ADGRG6: variants seen among roughly 807,000 people sequenced by gnomAD.
ADGRG6 encodes adhesion G protein-coupled receptor G6.
Under a neutral mutation model 142.4 loss-of-function variants are expected in ADGRG6, and 84 were observed. The ratio of observed to expected loss-of-function variants is 0.59; its 90% CI spans 0.49 to 0.71. The LOEUF (loss-of-function observed/expected upper bound fraction) is 0.71, where lower values mean the gene tolerates loss of function less well. Among genes scored for constraint, ADGRG6 ranks in the 30% least tolerant of loss-of-function variants. The pLI is 0.00. For missense variants in ADGRG6, 1,367 were observed against 1,466.6 expected, an observed-to-expected ratio of 0.93 and a Z score of 1.11; for synonymous variants, 521 against 520.5, an observed-to-expected ratio of 1.00 and a Z score of -0.01.
Position 142,438,339 on chromosome 6 carries a change from C to T in ADGRG6, c.3549C>T (p.Thr1183=). 6.2e-7 allele frequency: 1 copy of T among 1,608,790 alleles called. No individual in the cohort carries two copies. The highest frequency in any genetic ancestry group is 2.2e-5 in the East Asian group (1 of 44,630). ...LTSKSKSSST[T]YFKRNSHTDS... is the part of the protein sequence containing the mutation. ...CCAAATCTAAATCCAGCTCTACCAC[C>T]TATTTCAAAAGGAATAGCCACACAG... Residue 1183 remains threonine, a synonymous_variant, in exon 24 of 25, where the codon ACC becomes ACT. Transcript: ENST00000367609.
At chr6:142,399,474 AAAG>A (rs376411572) in intron 10 of ADGRG6, among the ~76,000 whole-genome samples, 8 of 152,306 alleles carry the variant, frequency 5.3e-5, no homozygotes, top group African/African-American at 1.2e-4. Context: ...GAGTCTTCAC[AAAG>A]AAGGAGTCTG....
intron 22 of ADGRG6, among the ~76,000 whole-genome samples, chr6:142,430,183 T>G (rs963835220): frequency 3.9e-5 from 6 of 152,198 alleles, no homozygotes; most frequent in African/African-American, 9.6e-5. Context: ...TATCTGCAAG[T>G]CTTCCCTTTA....
intron 22 of ADGRG6, among the ~76,000 whole-genome samples, chr6:142,431,875 A>G (rs546214508): frequency 1.1e-3 from 172 of 152,234 alleles, no homozygotes; most frequent in African/African-American, 3.9e-3. Flanking sequence ...GTGAGCCAAG[A>G]TCGCACCATT....
chr6:142,373,375 C>CATATTTGTTTCCAACAAATA (rs1781343972), intron 4 of ADGRG6, among the ~76,000 whole-genome samples: 1 of 151,750 alleles, frequency 6.6e-6, no homozygotes, highest in Admixed American at 6.6e-5. Context: ...AGTGTGTTAA[C>CATATTTGTTTCCAACAAATA]ATATTTGTTT....
At chr6:142,443,271 A>G (rs1477002460) in intron 24 of ADGRG6, 66 bp from the exon 25 acceptor site, 33 of 1,004,994 alleles carry the variant, frequency 3.3e-5, no homozygotes, top group South Asian at 1.1e-4. Flanking sequence ...GGAGTATACA[A>G]TATGGTGGCC....
chr6:142,311,160 T>A (rs1777752084), intron 2 of ADGRG6, among the ~76,000 whole-genome samples: 1 of 151,828 alleles, frequency 6.6e-6, no homozygotes, highest in South Asian at 2.1e-4. Flanking sequence ...GAGAATCACC[T>A]GGGGTACAAA....
At chr6:142,393,050 T>C in intron 8 of ADGRG6, 50 bp downstream of exon 8, 2 of 966,406 alleles carry the variant, frequency 2.1e-6, no homozygotes, top group South Asian at 1.4e-5. Flanking sequence ...TCTAATTTAA[T>C]GCTACTATTT....
At chr6:142,312,908 A>G (rs1777839779) in intron 2 of ADGRG6, among the ~76,000 whole-genome samples, 2 of 152,122 alleles carry the variant, frequency 1.3e-5, no homozygotes, top group Admixed American at 1.3e-4. Flanking sequence ...GAAGCTATTC[A>G]TGATAATAAT....
chr6:142,363,710 A>G (rs1340318126), intron 2 of ADGRG6, among the ~76,000 whole-genome samples: 1 of 152,182 alleles, frequency 6.6e-6, no homozygotes. Context: ...TTCAGTAACC[A>G]TCTAATTAGG....
intron 2 of ADGRG6, among the ~76,000 whole-genome samples, chr6:142,332,941 A>G (rs1779130948): frequency 1.3e-5 from 2 of 152,166 alleles, no homozygotes; most frequent in South Asian, 4.1e-4. Flanking sequence ...TTATCATCCT[A>G]GCCTAAGTAC....
chr6:142,414,676 G>C (rs1015035952), intron 18 of ADGRG6, among the ~76,000 whole-genome samples: 10 of 152,206 alleles, frequency 6.6e-5, no homozygotes, highest in African/African-American at 2.4e-4. Context: ...AATTTCTGTT[G>C]AGAGTCCTGG....
intron 23 of ADGRG6, among the ~76,000 whole-genome samples, chr6:142,437,839 C>T (rs1170329845): frequency 2.0e-5 from 3 of 150,396 alleles, no homozygotes; most frequent in Non-Finnish European, 4.4e-5. Flanking sequence ...CTCACCTTTC[C>T]ACATTTTCTA....
intron 13 of ADGRG6, 139 bp downstream of exon 13, chr6:142,402,969 G>A (rs1266886625): frequency 4.2e-6 from 2 of 472,576 alleles, no homozygotes; most frequent in African/African-American, 2.0e-5. Context: ...TAATAGTGAA[G>A]CAAGGTCATT....
Position 142,402,684 on chromosome 6 carries a change from A to C in ADGRG6, c.1809A>C (p.Ser603=), listed in dbSNP as rs201804354. Residue 603 remains serine, a synonymous_variant, in exon 13 of 25, where the codon TCA becomes TCC. Transcript: ENST00000367609. ...NLTADGQNLT[S]ANITNIVEQV... is the part of the protein sequence containing the mutation. ...CTGCTGATGGGCAGAACTTAACCTC[A>C]GCCAATATTACCAACATTGTGGAAC... 1.2e-6 allele frequency: 2 copies of C among 1,609,276 alleles called. No homozygotes were observed. The highest frequency in any genetic ancestry group is 1.7e-6 in the Non-Finnish European group (2 of 1,176,430).
chr6:142,378,295 T>C (rs555745305), intron 4 of ADGRG6, among the ~76,000 whole-genome samples: 1 of 152,312 alleles, frequency 6.6e-6, no homozygotes, highest in East Asian at 1.9e-4. Context: ...CCAGAGATAT[T>C]GTATCAGTGC....
chr6:142,338,091 G>C (rs981917987), intron 2 of ADGRG6, among the ~76,000 whole-genome samples: 2 of 129,180 alleles, frequency 1.5e-5, no homozygotes, highest in Non-Finnish European at 3.1e-5. Context: ...CGCGATCTTG[G>C]CTCACTGCAA....
In ADGRG6 at chr6:142,415,031, C is replaced by T; in HGVS notation, c.2604C>T (p.Ser868=). The change falls in exon 19 of 25, where the codon AGC becomes AGT. Residue 868 remains serine (S), a synonymous_variant. Transcript: ENST00000367609. ...ARNTKVLTFI[S]YIGCGISAIF... is the part of the protein sequence containing the mutation. ...ACACTAAAGTCCTCACTTTCATCAG[C>T]TATATTGGGTGTGGAATATCTGCTA... 6.2e-7 allele frequency: 1 copy of T among 1,610,446 alleles called. No individual in the cohort carries two copies.
chr6:142,366,808 A>T (rs932867949), intron 2 of ADGRG6, among the ~76,000 whole-genome samples: 1 of 151,896 alleles, frequency 6.6e-6, no homozygotes, highest in Non-Finnish European at 1.5e-5. Flanking sequence ...CTGCTCATTG[A>T]TATTGATATA....
chr6:142,394,843 C>A (rs758734965), intron 9 of ADGRG6, among the ~76,000 whole-genome samples: 6 of 152,064 alleles, frequency 3.9e-5, no homozygotes, highest in African/African-American at 1.4e-4. Flanking sequence ...TGTCTCAGCC[C>A]CCCCCAGAGT....
Sources: gnomAD v4.1 joint callset for allele counts (sites outside exome capture counted in the v4.1 genomes callset) on GRCh38, gnomAD v4.1.1 for gene constraint, MANE v1.5 for transcripts, NCBI Gene and HGNC (gene_info 2026-07-23, HGNC 2026-07-21) for gene names.